DCUN1D3: variants seen among roughly 807,000 people sequenced by gnomAD.
DCUN1D3 encodes defective in cullin neddylation 1 domain containing 3, also known as DCN1-like protein 3.
Under a neutral mutation model 24.8 loss-of-function variants are expected in DCUN1D3, and 6 were observed. The ratio of observed to expected loss-of-function variants is 0.24; its 90% CI spans 0.13 to 0.48. The LOEUF (loss-of-function observed/expected upper bound fraction) is 0.48. Among genes scored for constraint, DCUN1D3 ranks in the 20% least tolerant of loss-of-function variants. DCUN1D3 has a pLI of 0.99. For missense variants in DCUN1D3, 258 were observed against 379.4 expected (o/e 0.68, Z 2.66); for synonymous variants, 120 against 144.9 (o/e 0.83, Z 1.24).
intron 1 of DCUN1D3, 28 bp from the exon 2 acceptor site, chr16:20,862,671 T>G: frequency 6.6e-7 from 1 of 1,505,950 alleles, no homozygotes; most frequent in Non-Finnish European, 8.8e-7. Context: ...AGCCATCACC[T>G]CTGGGTGGGG....
chr16:20,866,797 G>T (rs1390202057), intron 1 of DCUN1D3, among the ~76,000 whole-genome samples: 1 of 152,152 alleles, frequency 6.6e-6, no homozygotes, highest in East Asian at 1.9e-4. Context: ...AAACCCAGAA[G>T]AAAATATCTC....
chr16:20,859,892 C>G lies in DCUN1D3; in HGVS notation c.909G>C (p.Gln303His). 2 of 1,605,950 alleles carry G rather than the reference C, an allele frequency of 1.2e-6. No homozygotes were observed. Among genetic ancestry groups the G allele is most frequent in the Non-Finnish European group, 8.5e-7 (1 of 1,174,560 alleles). Residue 303 changes from glutamine (Q) to histidine (H), a missense_variant, in exon 3 of 3, where the codon CAG (glutamine) becomes CAC (histidine). Physicochemically the swap from Gln to His is conservative, Grantham distance 24. Transcript: ENST00000324344. ...TGCTCCTGGGACAGAGCCACTAAGTCTGCTCCTCGGGACACAAGCCCTCAG... is the reference window on the plus strand; with the variant it reads ...TGCTCCTGGGACAGAGCCACTAAGTGTGCTCCTCGGGACACAAGCCCTCAG... ...SGPEGLCPEE[Q>H]T
At chr16:20,870,151 T>C (rs999639327) in intron 1 of DCUN1D3, among the ~76,000 whole-genome samples, 2 of 152,198 alleles carry the variant, frequency 1.3e-5, no homozygotes, top group East Asian at 1.9e-4. Context: ...TCTGGGTTAG[T>C]CTTTCCAAGG....
chr16:20,883,440 G>C (rs1167513527), intron 1 of DCUN1D3, among the ~76,000 whole-genome samples: 2 of 152,146 alleles, frequency 1.3e-5, no homozygotes, highest in Non-Finnish European at 2.9e-5. Context: ...ATGAACCTGA[G>C]AGGCGGAGCT....
chr16:20,874,781 T>A (rs927632258), intron 1 of DCUN1D3, among the ~76,000 whole-genome samples: 1 of 152,214 alleles, frequency 6.6e-6, no homozygotes, highest in Non-Finnish European at 1.5e-5. Context: ...GAATACGTTC[T>A]CTGCAGGTTG....
At chr16:20,890,497 T>G (rs1156331987) in intron 1 of DCUN1D3, among the ~76,000 whole-genome samples, 2 of 151,796 alleles carry the variant, frequency 1.3e-5, no homozygotes, top group African/African-American at 4.8e-5. Context: ...GCCATGGAGG[T>G]GTGTGCCTCT....
At chr16:20,879,924 A>G (rs549336785) in intron 1 of DCUN1D3, among the ~76,000 whole-genome samples, 1 of 152,366 alleles carries the variant, frequency 6.6e-6, no homozygotes, top group South Asian at 2.1e-4. Flanking sequence ...CAATTTGCTG[A>G]CACCAACTAC....
At chr16:20,896,636 C>T (rs2081917211) in intron 1 of DCUN1D3, among the ~76,000 whole-genome samples, 1 of 151,642 alleles carries the variant, frequency 6.6e-6, no homozygotes, top group Admixed American at 6.6e-5. Context: ...ATTTGAGTTA[C>T]AATAAACCAT....
At chr16:20,891,503 C>T (rs1388861424) in intron 1 of DCUN1D3, among the ~76,000 whole-genome samples, 1 of 152,134 alleles carries the variant, frequency 6.6e-6, no homozygotes, top group East Asian at 1.9e-4. Context: ...CCCTAAGAGA[C>T]AGGGATGGAG....
intron 1 of DCUN1D3, among the ~76,000 whole-genome samples, chr16:20,874,049 T>C (rs938465506): frequency 6.6e-6 from 1 of 152,138 alleles, no homozygotes; most frequent in African/African-American, 2.4e-5. Context: ...GCCAACAAAC[T>C]CTCCTTTGCA....
rs1313949907 is a variant in DCUN1D3 at position 20,857,340 on chromosome 16, A to T, written c.*2546T>A. The T allele has an allele frequency of 2.0e-5, 3 of 152,252 alleles. No homozygotes were observed. The highest frequency in any genetic ancestry group is 4.4e-5 in the Non-Finnish European group (3 of 68,048). The allele number at this position is 152,252 out of a possible 1,614,324, so 9.4% of individuals were successfully genotyped here. ...TTGGTGGGGGATGAGGAGGCTAAAT[A>T]GTTAATTTAAAAAACAACAAAATAC... On this transcript the variant is annotated 3_prime_UTR_variant, in exon 3 of 3. Coordinates refer to ENST00000324344, the MANE Select transcript of DCUN1D3 (RefSeq NM_173475.4).
At chr16:20,897,184 T>C (rs2081919764) in intron 1 of DCUN1D3, among the ~76,000 whole-genome samples, 1 of 152,206 alleles carries the variant, frequency 6.6e-6, no homozygotes, top group Non-Finnish European at 1.5e-5. Context: ...CTAGTCACTG[T>C]TGTAGGGTTC....
In DCUN1D3 at chr16:20,856,557, A is replaced by T. The variant is rs1009994018; in HGVS notation, c.*3329T>A. ...GGGCCCAGGGGTTTGGTTAAAATTT[A>T]GATCTTCACCCAGCTCTAGATTCAT... On this transcript the variant is annotated 3_prime_UTR_variant, in exon 3 of 3. Coordinates refer to ENST00000324344, the MANE Select transcript of DCUN1D3 (RefSeq NM_173475.4). 1 of 152,166 alleles carries T rather than the reference A, an allele frequency of 6.6e-6. No individual in the cohort carries two copies. The highest frequency in any genetic ancestry group is 2.1e-4 in the South Asian group (1 of 4,818). The allele number at this position is 152,166 out of a possible 1,614,324, so 9.4% of individuals were successfully genotyped here. A position where few individuals can be genotyped will look rare whatever the true frequency, so the allele number is the denominator to read the frequency against.
chr16:20,864,560 G>A (rs985779311), intron 1 of DCUN1D3, among the ~76,000 whole-genome samples: 8 of 151,606 alleles, frequency 5.3e-5, no homozygotes, highest in African/African-American at 9.7e-5. Flanking sequence ...AAATTACTTC[G>A]ACCACCGTGG....
At chr16:20,864,567 G>A (rs944358628) in intron 1 of DCUN1D3, among the ~76,000 whole-genome samples, 7 of 151,912 alleles carry the variant, frequency 4.6e-5, no homozygotes, top group Non-Finnish European at 8.8e-5. Context: ...TTCGACCACC[G>A]TGGAAAGCAG....
intron 1 of DCUN1D3, among the ~76,000 whole-genome samples, chr16:20,883,979 C>T (rs1266519154): frequency 6.6e-6 from 1 of 152,084 alleles, no homozygotes; most frequent in Non-Finnish European, 1.5e-5. Context: ...CCTAAAAGGG[C>T]TTTATTTTAG....
At chr16:20,888,686 C>T (rs1460093784) in intron 1 of DCUN1D3, among the ~76,000 whole-genome samples, 3 of 152,184 alleles carry the variant, frequency 2.0e-5, no homozygotes, top group African/African-American at 7.2e-5. Context: ...AACTGGTGGG[C>T]TTAAGTGATC....
rs2081718840 is a variant in DCUN1D3, at chr16:20,859,551, AAAAAAAAACAAAAAAAAAC to A, written c.*316_*334del. 6.1e-6 allele frequency: 1 copy of A among 162,944 alleles called. No homozygotes were observed. The highest frequency in any genetic ancestry group is 6.5e-5 in the Admixed American group (1 of 15,290). 10.1% of individuals were successfully genotyped at this position (162,944 alleles called of 1,614,324 possible). ...ATGCCCTCCCCTACCAAAAAAAAAA[AAAAAAAAACAAAAAAAAAC>A]AAAAAAAAAACCTAAATTTGTGCAA... On this transcript the variant is annotated 3_prime_UTR_variant, in exon 3 of 3. Transcript: ENST00000324344.
rs1222065586 is a variant in DCUN1D3 at position 20,856,406 on chromosome 16, T to A, written c.*3480A>T. 6 of 152,374 alleles carry A rather than the reference T, an allele frequency of 3.9e-5. No individual in the cohort carries two copies. In the East Asian group the frequency reaches 9.6e-4, roughly 24 times the overall value. 9.4% of individuals were successfully genotyped at this position (152,374 alleles called of 1,614,324 possible). On this transcript the variant is annotated 3_prime_UTR_variant, in exon 3 of 3. Transcript: ENST00000324344. ...GGCACCAGCCCCTAGAGACCAGTAC[T>A]GCTTCAAAGACTAATACTGTGTGGC...
Sources: allele counts gnomAD v4.1 joint callset (sites outside exome capture counted in the v4.1 genomes callset), GRCh38; gene constraint gnomAD v4.1.1; transcripts MANE v1.5; gene names NCBI Gene and HGNC (gene_info 2026-07-23, HGNC 2026-07-21).